The following KCNIP1 variants were observed in gnomAD, a reference collection of about 807,000 sequenced individuals.
KCNIP1 encodes potassium voltage-gated channel interacting protein 1.
In KCNIP1, 18 loss-of-function variants were observed where a neutral mutation model predicts 33.0. That is an observed-to-expected ratio of 0.55 (90% confidence interval 0.38 to 0.81). KCNIP1 has a LOEUF of 0.81. KCNIP1 is among the 30% of genes least tolerant of loss of function. KCNIP1 has a pLI of 0.00. For missense variants in KCNIP1, 238 were observed against 271.6 expected, an observed-to-expected ratio of 0.88 and a Z score of 0.87; for synonymous variants, 93 against 98.3, an observed-to-expected ratio of 0.95 and a Z score of 0.32.
intron 1 of KCNIP1, among the ~76,000 whole-genome samples, chr5:170,517,107 C>G (rs1755153725): frequency 6.6e-6 from 1 of 152,108 alleles, no homozygotes; most frequent in Non-Finnish European, 1.5e-5. Context: ...AGAGGCTTAA[C>G]TGACTCACAG....
chr5:170,376,139 C>T (rs895375599), intron 1 of KCNIP1: 1 of 139,700 alleles, frequency 7.2e-6, no homozygotes, highest in African/African-American at 2.6e-5. Context: ...TCTGAGTATT[C>T]ATGACTTATT....
chr5:170,573,067 C>T (rs1193738786), intron 1 of KCNIP1, among the ~76,000 whole-genome samples: 2 of 152,244 alleles, frequency 1.3e-5, no homozygotes, highest in African/African-American at 4.8e-5. Flanking sequence ...GTCCCCAGCC[C>T]AGAGCTCCCA....
intron 5 of KCNIP1, among the ~76,000 whole-genome samples, chr5:170,726,905 T>C (rs1347492068): frequency 6.6e-6 from 1 of 151,736 alleles, no homozygotes; most frequent in Admixed American, 6.6e-5. Flanking sequence ...AGCAAGACCC[T>C]GTCTCAAAAA....
intron 1 of KCNIP1, among the ~76,000 whole-genome samples, chr5:170,568,640 G>A (rs28475074): frequency 0.062 from 1,921 of 31,158 alleles, 54 homozygotes; most frequent in African/African-American, 0.14. Flanking sequence ...GGTGAAACCC[G>A]TTTCTACTAA....
At chr5:170,606,055 G>GT (rs1561714004) in intron 1 of KCNIP1, among the ~76,000 whole-genome samples, 1 of 152,058 alleles carries the variant, frequency 6.6e-6, no homozygotes, top group Non-Finnish European at 1.5e-5. Flanking sequence ...GATTACAGGC[G>GT]TGAGCCACCA....
chr5:170,442,676 A>G (rs1756021237), intron 1 of KCNIP1, among the ~76,000 whole-genome samples: 1 of 151,954 alleles, frequency 6.6e-6, no homozygotes. Flanking sequence ...CACTTGAGTC[A>G]TGAGATGTCC....
intron 1 of KCNIP1, among the ~76,000 whole-genome samples, chr5:170,595,126 GAGAGTCCT>G (rs1372117954): frequency 3.3e-5 from 5 of 152,202 alleles, no homozygotes; most frequent in African/African-American, 9.7e-5. Flanking sequence ...AGCTTCCCCA[GAGAGTCCT>G]GAATGACAGG....
chr5:170,468,462 T>C (rs1301805664), intron 1 of KCNIP1, among the ~76,000 whole-genome samples: 1 of 152,214 alleles, frequency 6.6e-6, no homozygotes, highest in Admixed American at 6.5e-5. Flanking sequence ...CTTGGGTCCA[T>C]ATGAATTTGT....
chr5:170,548,957 G>C (rs1223261365), intron 1 of KCNIP1, among the ~76,000 whole-genome samples: 1 of 152,148 alleles, frequency 6.6e-6, no homozygotes, highest in Non-Finnish European at 1.5e-5. Context: ...CCTGATGCTG[G>C]TACCTGTAGC....
intron 1 of KCNIP1, chr5:170,385,184 G>C (rs1269636285): frequency 2.0e-6 from 2 of 990,216 alleles, no homozygotes; most frequent in African/African-American, 1.6e-5. Context: ...ACCTAAGAAT[G>C]AGCATCGTCT....
intron 1 of KCNIP1, among the ~76,000 whole-genome samples, chr5:170,667,806 G>A (rs531993402): frequency 2.0e-5 from 3 of 152,326 alleles, no homozygotes; most frequent in African/African-American, 7.2e-5. Flanking sequence ...CTAGCACAGA[G>A]TAAGCAGCCA....
intron 1 of KCNIP1, among the ~76,000 whole-genome samples, chr5:170,404,532 G>A (rs541849940): frequency 4.5e-4 from 68 of 152,274 alleles, no homozygotes; most frequent in African/African-American, 1.6e-3. Flanking sequence ...CTTGTGTCAG[G>A]TGGTTGCCTG....
At chr5:170,372,195 T>TAA (rs561570712) in intron 1 of KCNIP1, among the ~76,000 whole-genome samples, 1 of 152,122 alleles carries the variant, frequency 6.6e-6, no homozygotes, top group Non-Finnish European at 1.5e-5. Context: ...ACATTTTACT[T>TAA]ACTATTGACA....
Position 170,732,336 on chromosome 5 carries a change from A to G in KCNIP1, c.436-464A>G, listed in dbSNP as rs1222230016. ...GGACTTGAGAACTGATCTTTTTAAT[A>G]AGGGCCTCAGTCTGTGGAACTATTG... is the stretch of plus-strand genomic sequence containing the variant. On this transcript the variant is annotated intron_variant, in intron 5 of 7. Coordinates refer to ENST00000328939, the MANE Select transcript of KCNIP1 (RefSeq NM_014592.4). Among the ~76,000 whole-genome samples the G allele has an allele frequency of 2.0e-5, 3 of 152,128 alleles. No individual in the cohort carries two copies. In the East Asian group the frequency reaches 5.8e-4, roughly 29 times the overall value.
Position 170,561,702 on chromosome 5 carries a change from C to A in KCNIP1, c.61+57069C>A, listed in dbSNP as rs62394286. ...GCCTATGCACACACGGTGCCTGGCA[C>A]ACAGTAGGTACACAAGGTAGTCTAT... On this transcript the variant is annotated intron_variant, in intron 1 of 7. Transcript: ENST00000328939. Among the ~76,000 whole-genome samples the A allele has an allele frequency of 5.3e-5, 8 of 152,324 alleles. No individual in the cohort carries two copies. In the South Asian group the frequency reaches 1.7e-3, roughly 32 times the overall value.
intron 1 of KCNIP1, among the ~76,000 whole-genome samples, chr5:170,683,980 C>A (rs1762455699): frequency 1.3e-5 from 2 of 151,694 alleles, no homozygotes; most frequent in Admixed American, 1.3e-4. Flanking sequence ...TGGTCTTGAA[C>A]TCCAGAGCTC....
At chr5:170,371,832 G>T (rs314161) in intron 1 of KCNIP1, among the ~76,000 whole-genome samples, 1,623 of 152,288 alleles carry the variant, frequency 0.011, 37 homozygotes, top group African/African-American at 0.037. Flanking sequence ...TGTTGCTGCA[G>T]GTTGTCATTG....
chr5:170,693,448 C>T (rs1470997825), intron 1 of KCNIP1, among the ~76,000 whole-genome samples: 2 of 152,184 alleles, frequency 1.3e-5, no homozygotes, highest in Non-Finnish European at 1.5e-5. Flanking sequence ...CTCGTGAAGA[C>T]CCTGAGAAGT....
chr5:170,380,788 G>C (rs1168041122), intron 1 of KCNIP1, among the ~76,000 whole-genome samples: 1 of 152,222 alleles, frequency 6.6e-6, no homozygotes, highest in African/African-American at 2.4e-5. Flanking sequence ...TTAAATAGCA[G>C]TGTGGCTATG....
Sources: allele counts gnomAD v4.1 joint callset (sites outside exome capture counted in the v4.1 genomes callset), GRCh38; gene constraint gnomAD v4.1.1; transcripts MANE v1.5; gene names NCBI Gene and HGNC (gene_info 2026-07-23, HGNC 2026-07-21).